Variants in WDPCP observed in about 807,000 individuals in gnomAD.
WDPCP encodes the protein WD repeat-containing and planar cell polarity effector protein fritz homolog.
WDPCP carries 71 observed loss-of-function variants against 93.1 expected under a neutral mutation model. The observed-to-expected ratio is 0.76, with a 90% CI of 0.63 to 0.93. The LOEUF (loss-of-function observed/expected upper bound fraction) is 0.93, where lower values mean the gene tolerates loss of function less well. Among genes scored for constraint, WDPCP ranks in the 40% least tolerant of loss-of-function variants. The pLI is 0.00. For synonymous variants in WDPCP, 315 were observed against 315.0 expected (o/e 1.00, Z 0.00); for missense variants, 844 against 887.4 (o/e 0.95, Z 0.62).
intron 17 of WDPCP, among the ~76,000 whole-genome samples, chr2:63,124,982 T>C (rs1335706495): frequency 2.0e-5 from 3 of 152,194 alleles, no homozygotes; most frequent in East Asian, 1.9e-4. Flanking sequence ...CTTTTGCTTA[T>C]AAGCATGCTA....
intron 15 of WDPCP, chr2:63,168,940 T>C (rs1376350681): frequency 6.6e-6 from 1 of 152,242 alleles, no homozygotes; most frequent in Non-Finnish European, 1.5e-5. Flanking sequence ...ATGCCTTTAG[T>C]CTCTTCTTTT....
chr2:63,381,093 G>C (rs1692263866), intron 11 of WDPCP, among the ~76,000 whole-genome samples: 1 of 152,110 alleles, frequency 6.6e-6, no homozygotes, highest in South Asian at 2.1e-4. Flanking sequence ...CATTCACCAT[G>C]ATTTTCCACC....
chr2:63,322,739 G>A (rs1362244249), intron 12 of WDPCP, among the ~76,000 whole-genome samples: 1 of 152,120 alleles, frequency 6.6e-6, no homozygotes, highest in Non-Finnish European at 1.5e-5. Flanking sequence ...CCGAGACCAA[G>A]AACCCACCAA....
At chr2:63,442,028 C>G (rs1697536172) in intron 6 of WDPCP, 1 of 152,130 alleles carries the variant, frequency 6.6e-6, no homozygotes, top group Non-Finnish European at 1.5e-5. Context: ...GACTCAGAGT[C>G]TGACTGAGAA....
chr2:63,475,595 C>T (rs1222637961), intron 6 of WDPCP, among the ~76,000 whole-genome samples: 1 of 151,962 alleles, frequency 6.6e-6, no homozygotes, highest in East Asian at 1.9e-4. Flanking sequence ...TGTTGAGCCT[C>T]AACAAATGCC....
At chr2:63,638,010 T>C (rs1709939669) in intron 3 of WDPCP, among the ~76,000 whole-genome samples, 1 of 152,152 alleles carries the variant, frequency 6.6e-6, no homozygotes, top group Admixed American at 6.5e-5. Context: ...GGATGAACAT[T>C]GGATTGGATT....
chr2:63,608,479 G>A (rs540656679), intron 3 of WDPCP, among the ~76,000 whole-genome samples: 1 of 152,130 alleles, frequency 6.6e-6, no homozygotes, highest in South Asian at 2.1e-4. Context: ...AGGCAATATT[G>A]TATTAATAAA....
At chr2:63,252,594 A>G (rs1680823311) in intron 14 of WDPCP, among the ~76,000 whole-genome samples, 1 of 152,218 alleles carries the variant, frequency 6.6e-6, no homozygotes, top group Non-Finnish European at 1.5e-5. Flanking sequence ...ACAAAAATCA[A>G]CAGAAAAATC....
intron 1 of WDPCP, among the ~76,000 whole-genome samples, chr2:63,550,236 CA>C (rs1558793426): frequency 0.02 from 263 of 13,064 alleles, 3 homozygotes; most frequent in African/African-American, 0.043. Flanking sequence ...CACACACACA[CA>C]CACCCTTCCT....
chr2:63,654,383 C>T (rs150880147), intron 2 of WDPCP, among the ~76,000 whole-genome samples: 10 of 152,232 alleles, frequency 6.6e-5, no homozygotes, highest in Admixed American at 2.6e-4. Flanking sequence ...AAAAAATGAC[C>T]GTAGGTCTAG....
At chr2:63,730,914 AT>A (rs1387415096) in intron 2 of WDPCP, among the ~76,000 whole-genome samples, 2 of 152,078 alleles carry the variant, frequency 1.3e-5, no homozygotes, top group Non-Finnish European at 2.9e-5. Context: ...TTTCAATGAT[AT>A]ATGGGAGAAA....
At chr2:63,381,881 C>T (rs1692339010) in intron 11 of WDPCP, 25 bp downstream of exon 11, 1 of 1,609,674 alleles carries the variant, frequency 6.2e-7, no homozygotes, top group African/African-American at 1.3e-5. Flanking sequence ...CAAAACTCAT[C>T]AATGAAAAAT....
chr2:63,361,390 C>G (rs571911177), intron 12 of WDPCP, among the ~76,000 whole-genome samples: 1 of 152,286 alleles, frequency 6.6e-6, no homozygotes, highest in East Asian at 1.9e-4. Context: ...TTACACCAAG[C>G]ATGGGGTTAC....
chr2:63,154,596 T>C (rs912324143), intron 15 of WDPCP, among the ~76,000 whole-genome samples: 11 of 152,200 alleles, frequency 7.2e-5, no homozygotes, highest in Admixed American at 7.2e-4. Flanking sequence ...ATAAAACTGC[T>C]ACAAGCATTC....
chr2:63,767,195 T>C (rs958513682), intron 2 of WDPCP, among the ~76,000 whole-genome samples: 8 of 152,216 alleles, frequency 5.3e-5, no homozygotes, highest in African/African-American at 1.9e-4. Context: ...TCCTTTTTAT[T>C]ACTGAGTAAT....
chr2:63,284,354 G>T (rs545546853), intron 13 of WDPCP, among the ~76,000 whole-genome samples: 1 of 152,272 alleles, frequency 6.6e-6, no homozygotes, highest in South Asian at 2.1e-4. Flanking sequence ...TATATACTGT[G>T]CATGGTTTTA....
chr2:63,516,307 C>A (rs1702546946), intron 1 of WDPCP, among the ~76,000 whole-genome samples: 1 of 152,130 alleles, frequency 6.6e-6, no homozygotes, highest in African/African-American at 2.4e-5. Flanking sequence ...TTTCTTTATG[C>A]TGAGAACATT....
chr2:63,395,839 T>C (rs1048210913), intron 10 of WDPCP, among the ~76,000 whole-genome samples: 1 of 152,172 alleles, frequency 6.6e-6, no homozygotes, highest in Admixed American at 6.6e-5. Flanking sequence ...ACGGTTCTCC[T>C]GTCTCAGCCT....
At chr2:63,235,662 G>C (rs533286123) in intron 14 of WDPCP, among the ~76,000 whole-genome samples, 21 of 151,912 alleles carry the variant, frequency 1.4e-4, no homozygotes, top group Admixed American at 2.6e-4. Flanking sequence ...GATCAAGCAG[G>C]CTTTATTTCT....
Sources: gnomAD v4.1 joint callset for allele counts (sites outside exome capture counted in the v4.1 genomes callset) on GRCh38, gnomAD v4.1.1 for gene constraint, MANE v1.5 for transcripts, NCBI Gene and HGNC (gene_info 2026-07-23, HGNC 2026-07-21) for gene names.